BAIAP2: variants seen among roughly 807,000 people sequenced by gnomAD.
The protein encoded by BAIAP2 is BAR/IMD domain-containing adapter protein 2.
In BAIAP2, 18 loss-of-function variants were observed where a neutral mutation model predicts 63.0. That is an observed-to-expected ratio of 0.29 (90% CI 0.20 to 0.42). The LOEUF is 0.42. Ranked by LOEUF, BAIAP2 falls within the 10% of genes least tolerant of loss-of-function variation. BAIAP2 has a pLI of 1.00. For missense variants in BAIAP2, 610 were observed against 734.3 expected, an observed-to-expected ratio of 0.83 and a Z score of 1.96; for synonymous variants, 386 against 307.6, an observed-to-expected ratio of 1.25 and a Z score of -2.67.
chr17:81,070,709 G>A (rs527883666), intron 3 of BAIAP2, among the ~76,000 whole-genome samples: 15 of 152,260 alleles, frequency 9.9e-5, no homozygotes, highest in African/African-American at 2.6e-4. Flanking sequence ...TGTGTGTCAC[G>A]TAGGGGCCCT....
rs570743327 is a variant in BAIAP2, at chr17:81,042,446, G to A, written c.54+7138G>A. Among the ~76,000 whole-genome samples, 318 of 152,172 alleles carry A rather than the reference G, an allele frequency of 2.1e-3. 2 individuals are homozygous for A. Among genetic ancestry groups the A allele is most frequent in the African/African-American group, 7.3e-3 (303 of 41,522 alleles). ...GCTGGGATTACATGTGTGAGCAAAC[G>A]CACCCTGGTGCTTTCTTGATCAGCA... is the stretch of plus-strand genomic sequence containing the variant. On this transcript the variant is annotated intron_variant, in intron 1 of 13. Coordinates refer to ENST00000428708, the MANE Select transcript of BAIAP2 (RefSeq NM_001144888.2).
intron 13 of BAIAP2, among the ~76,000 whole-genome samples, chr17:81,115,473 C>T (rs997974451): frequency 1.3e-5 from 2 of 149,442 alleles, no homozygotes; most frequent in Non-Finnish European, 3.0e-5. Context: ...CTGGCCTGCC[C>T]CGCCCCACCC....
intron 1 of BAIAP2, 187 bp from the exon 2 acceptor site, chr17:81,053,481 C>T (rs2048996062): frequency 1.6e-6 from 1 of 636,762 alleles, no homozygotes; most frequent in Non-Finnish European, 2.8e-6. Flanking sequence ...TCAGGAAGGT[C>T]ATTTTCCCAA....
intron 1 of BAIAP2, among the ~76,000 whole-genome samples, chr17:81,044,386 A>G (rs1460087498): frequency 6.6e-6 from 1 of 152,224 alleles, no homozygotes. Flanking sequence ...ACGGCGCCAC[A>G]GACTGGTGTG....
chr17:81,084,220 GT>G (rs1568135320), intron 3 of BAIAP2, among the ~76,000 whole-genome samples: 16 of 152,208 alleles, frequency 1.1e-4, no homozygotes, highest in Admixed American at 2.0e-4. Flanking sequence ...TGGCTGCCTG[GT>G]GAGCCTATCC....
At chr17:81,041,280 C>G (rs1369826758) in intron 1 of BAIAP2, among the ~76,000 whole-genome samples, 1 of 152,206 alleles carries the variant, frequency 6.6e-6, no homozygotes, top group African/African-American at 2.4e-5. Context: ...GCAGGATGCT[C>G]CCAGGGTCCC....
chr17:81,082,308 G>A (rs896474302), intron 3 of BAIAP2, among the ~76,000 whole-genome samples: 9 of 152,184 alleles, frequency 5.9e-5, no homozygotes, highest in Non-Finnish European at 1.3e-4. Context: ...GCACATATGT[G>A]CTCATGCCCG....
intron 2 of BAIAP2, among the ~76,000 whole-genome samples, chr17:81,054,867 C>T (rs531968433): frequency 1.3e-3 from 204 of 152,278 alleles, no homozygotes; most frequent in Non-Finnish European, 2.1e-3. Context: ...ATGCCCTTCT[C>T]ACCTGCCCTG....
In BAIAP2 at chr17:81,057,913, G is replaced by A. The variant is rs1217192954; in HGVS notation, c.163G>A (p.Ala55Thr). Residue 55 changes from alanine (A) to threonine (T), a missense_variant, in exon 3 of 14, where the codon GCC (alanine) becomes ACC (threonine). Coordinates refer to ENST00000428708, the MANE Select transcript of BAIAP2 (RefSeq NM_001144888.2). ...GTATGCAGCCAAAGGCTACTTTGAC[G>A]CCCTGGTGAAGATGGGGGAGCTGGC... Reference protein sequence around the residue: ...VTYAAKGYFDALVKMGELASE... With the variant: ...VTYAAKGYFDTLVKMGELASE... 6 of 1,593,302 alleles carry A rather than the reference G, an allele frequency of 3.8e-6. No homozygotes were observed. In the African/African-American group the frequency reaches 4.2e-5, roughly 11 times the overall value.
chr17:81,096,638 C>G (rs2057663066), intron 6 of BAIAP2, among the ~76,000 whole-genome samples: 1 of 152,244 alleles, frequency 6.6e-6, no homozygotes, highest in African/African-American at 2.4e-5. Flanking sequence ...ACCCTCCCCA[C>G]CCAGTCCCTT....
intron 13 of BAIAP2, among the ~76,000 whole-genome samples, chr17:81,114,350 T>C (rs2060270066): frequency 6.6e-6 from 1 of 151,924 alleles, no homozygotes; most frequent in Non-Finnish European, 1.5e-5. Flanking sequence ...GAGCACTTCC[T>C]TAGGAGTGGG....
At chr17:81,072,121 C>G (rs1439334084) in intron 3 of BAIAP2, among the ~76,000 whole-genome samples, 1 of 152,236 alleles carries the variant, frequency 6.6e-6, no homozygotes, top group Non-Finnish European at 1.5e-5. Context: ...CGTGCCCTCC[C>G]CGGCTGGCTC....
At chr17:81,091,455 A>G (rs1342726807) in intron 6 of BAIAP2, among the ~76,000 whole-genome samples, 1 of 151,976 alleles carries the variant, frequency 6.6e-6, no homozygotes, top group Non-Finnish European at 1.5e-5. Flanking sequence ...GTCTACGCAG[A>G]GAGTATAGTT....
At chr17:81,079,107 A>C (rs2054178168) in intron 3 of BAIAP2, among the ~76,000 whole-genome samples, 1 of 152,166 alleles carries the variant, frequency 6.6e-6, no homozygotes, top group Admixed American at 6.5e-5. Context: ...CCCAAGCAGA[A>C]CCAACCCGAG....
chr17:81,066,168 G>T (rs1277840804), intron 3 of BAIAP2, among the ~76,000 whole-genome samples: 1 of 152,342 alleles, frequency 6.6e-6, no homozygotes, highest in South Asian at 2.1e-4. Flanking sequence ...TGAAGAGGCC[G>T]CTGTGTACCC....
At chr17:81,075,121 C>A (rs2053441155) in intron 3 of BAIAP2, among the ~76,000 whole-genome samples, 1 of 152,248 alleles carries the variant, frequency 6.6e-6, no homozygotes, top group Admixed American at 6.5e-5. Flanking sequence ...GCTCAGCTCA[C>A]CCACAGAGCT....
intron 3 of BAIAP2, among the ~76,000 whole-genome samples, chr17:81,075,936 ATTTTTTT>A (rs56219227): frequency 6.9e-6 from 1 of 145,396 alleles, no homozygotes; most frequent in African/African-American, 2.5e-5. Flanking sequence ...TCTGCTGGGA[ATTTTTTT>A]TTTTTTTTTG....
chr17:81,053,765 G>A lies in BAIAP2; in HGVS notation c.130+22G>A, dbSNP rs12941918. ...GCAGGTGGAACTGCGCCCGGGCCCC[G>A]TGGGGTGGGAGCTGCCTCCTGAGCT... On this transcript the variant is annotated intron_variant, in intron 2 of 13. Coordinates refer to ENST00000428708, the MANE Select transcript of BAIAP2 (RefSeq NM_001144888.2). 6.4e-3 allele frequency: 10,274 copies of A among 1,606,028 alleles called. 53 individuals carry two copies. Among genetic ancestry groups the A allele is most frequent in the Middle Eastern group, 0.02 (122 of 5,996 alleles).
intron 1 of BAIAP2, among the ~76,000 whole-genome samples, chr17:81,047,718 A>G (rs1263043933): frequency 1.3e-5 from 2 of 151,766 alleles, no homozygotes; most frequent in Non-Finnish European, 2.9e-5. Flanking sequence ...ACATGCGTCC[A>G]GCACATGTGT....
Sources: allele counts gnomAD v4.1 joint callset (sites outside exome capture counted in the v4.1 genomes callset), GRCh38; gene constraint gnomAD v4.1.1; transcripts MANE v1.5; gene names NCBI Gene and HGNC (gene_info 2026-07-23, HGNC 2026-07-21).